Variants in ABR observed in about 807,000 individuals in gnomAD.
ABR encodes ABR activator of RhoGEF and GTPase.
A neutral mutation model predicts 107.2 loss-of-function variants in ABR; 35 were observed. That is an observed-to-expected ratio of 0.33 (90% confidence interval 0.25 to 0.43). The LOEUF (loss-of-function observed/expected upper bound fraction) is 0.43, where lower values mean the gene tolerates loss of function less well. ABR is among the 20% of genes least tolerant of loss of function. The probability of loss-of-function intolerance (pLI) is 1.00; values close to 1 mark genes in which losing one functional copy is unlikely to be tolerated. For synonymous variants in ABR, 498 were observed against 462.0 expected, an observed-to-expected ratio of 1.08 and a Z score of -1.00; for missense variants, 815 against 1,115.2, an observed-to-expected ratio of 0.73 and a Z score of 3.83.
chr17:1,159,481 C>T (rs1342794935), intron 1 of ABR, among the ~76,000 whole-genome samples: 4 of 89,824 alleles, frequency 4.5e-5, no homozygotes, highest in African/African-American at 1.3e-4. Flanking sequence ...GCAGTACTCA[C>T]GCACAAGGGA....
chr17:1,139,933 G>T (rs2040226046), intron 1 of ABR, among the ~76,000 whole-genome samples: 1 of 152,164 alleles, frequency 6.6e-6, no homozygotes, highest in Non-Finnish European at 1.5e-5. Context: ...GACGCAGGAG[G>T]TTGGCCCTGA....
rs78394653 is a variant in ABR, at chr17:1,119,800, C to T, written c.246+5383G>A. On this transcript the variant is annotated intron_variant, in intron 2 of 22. Transcript: ENST00000302538. ...AGGGCGTGTGAGCGGGACCTGACAG[C>T]GCTGTGCAGGCTCTGGCATCATAGA... Among the ~76,000 whole-genome samples, 4 of 152,334 alleles carry T rather than the reference C, an allele frequency of 2.6e-5. No individual in the cohort carries two copies. The East Asian group carries it at 7.7e-4, about 29-fold the overall frequency.
chr17:1,032,272 C>A (rs1408567293), intron 16 of ABR, among the ~76,000 whole-genome samples: 1 of 152,156 alleles, frequency 6.6e-6, no homozygotes, highest in Non-Finnish European at 1.5e-5. Flanking sequence ...ACTTCTGCCC[C>A]AGGCACCTTC....
intron 2 of ABR, among the ~76,000 whole-genome samples, chr17:1,122,544 C>T (rs112253513): frequency 1.3e-5 from 2 of 152,228 alleles, no homozygotes; most frequent in East Asian, 1.9e-4. Flanking sequence ...CCTCCAGACT[C>T]GGACTGAAAC....
At chr17:1,194,175 TTTTA>T (rs1193941779) in intron 1 of ABR, among the ~76,000 whole-genome samples, 4 of 152,018 alleles carry the variant, frequency 2.6e-5, no homozygotes, top group Admixed American at 6.5e-5. Flanking sequence ...CTTTGTTTTT[TTTTA>T]TTTATTTATA....
chr17:1,125,060 G>A (rs1005992220), intron 2 of ABR, 123 bp downstream of exon 2: 78 of 996,896 alleles, frequency 7.8e-5, no homozygotes, highest in Non-Finnish European at 9.2e-5. Flanking sequence ...CACCAAGAAC[G>A]GCCAGGTCCA....
chr17:1,069,456 G>A (rs968277085), intron 9 of ABR, among the ~76,000 whole-genome samples: 1 of 152,170 alleles, frequency 6.6e-6, no homozygotes, highest in African/African-American at 2.4e-5. Context: ...CTGAGGTTGG[G>A]AGTTTGAGAT....
In ABR at chr17:1,050,779, C is replaced by A; in HGVS notation, c.1562-145G>T. 1 of 688,502 alleles carries A rather than the reference C, an allele frequency of 1.5e-6. No homozygotes were observed. The highest frequency in any genetic ancestry group is 2.6e-6 in the Non-Finnish European group (1 of 386,528). 42.6% of individuals were successfully genotyped at this position (688,502 alleles called of 1,614,324 possible). ...ATCTTGGCTCTCTCCTCCCTGAAGC[C>A]CGGGACCATCTGGCTTCTCCCCTGC... is the stretch of plus-strand genomic sequence containing the variant. On this transcript the variant is annotated intron_variant, in intron 14 of 22. Transcript: ENST00000302538. This position sits in a 1 kb window ranked among gnomAD's most constrained non-coding sequence, Gnocchi z 4.6.
intron 1 of ABR, among the ~76,000 whole-genome samples, chr17:1,149,039 C>T (rs1174519262): frequency 2.0e-5 from 3 of 149,838 alleles, no homozygotes; most frequent in Non-Finnish European, 4.4e-5. Context: ...GTAGCTGGGA[C>T]GACAGGTGCC....
At chr17:1,035,346 C>A (rs557925454) in intron 16 of ABR, among the ~76,000 whole-genome samples, 3 of 139,938 alleles carry the variant, frequency 2.1e-5, no homozygotes, top group Admixed American at 7.0e-5. Context: ...CCTGCTCCCC[C>A]CCACCCCTTC....
At chr17:1,169,249 T>C (rs1036062833) in intron 1 of ABR, among the ~76,000 whole-genome samples, 1 of 152,184 alleles carries the variant, frequency 6.6e-6, no homozygotes, top group Non-Finnish European at 1.5e-5. Flanking sequence ...GTGCCCCCCA[T>C]GGCAGAAGTC....
At chr17:1,138,223 G>C (rs1389131979) in intron 1 of ABR, among the ~76,000 whole-genome samples, 1 of 151,882 alleles carries the variant, frequency 6.6e-6, no homozygotes, top group Non-Finnish European at 1.5e-5. Context: ...TTTTGCACCA[G>C]CCTAAATACA....
chr17:1,173,137 A>G (rs987974616), intron 1 of ABR, among the ~76,000 whole-genome samples: 1 of 99,556 alleles, frequency 1.0e-5, no homozygotes, highest in Admixed American at 1.2e-4. Flanking sequence ...CCCCCCACAC[A>G]TCACCTCAGT....
chr17:1,172,192 A>G (rs886411493), intron 1 of ABR, among the ~76,000 whole-genome samples: 5 of 152,356 alleles, frequency 3.3e-5, no homozygotes, highest in East Asian at 3.9e-4. Context: ...CCGCTGCTCC[A>G]TCCACAAGTG....
intron 3 of ABR, among the ~76,000 whole-genome samples, chr17:1,097,622 T>A (rs1205857132): frequency 3.4e-5 from 5 of 146,562 alleles, no homozygotes; most frequent in Non-Finnish European, 6.0e-5. Flanking sequence ...ACTCTGTGTA[T>A]AAATTCCTTT....
At position 1,150,317 on chromosome 17, in the gene ABR, C is replaced by T. The variant is rs1019158337; in HGVS notation, c.62-24950G>A. On this transcript the variant is annotated intron_variant, in intron 1 of 22. Transcript: ENST00000302538. The surrounding 1 kb of genome is among the most constrained non-coding windows in gnomAD (Gnocchi z 4.8). The stretch of plus-strand genomic sequence containing the variant: ...TCAGATCTCCTCTCTCATCTTTTGC[C>T]CACAATGGGAAAGGAGGTAAGAAGT... Among the ~76,000 whole-genome samples, 1 of 152,184 alleles carries T rather than the reference C, an allele frequency of 6.6e-6. No homozygotes were observed. Among genetic ancestry groups the T allele is most frequent in the Non-Finnish European group, 1.5e-5 (1 of 68,030 alleles).
rs1272586504 is a variant in ABR at position 1,050,437 on chromosome 17, G to A, written c.1659+100C>T. The A allele has an allele frequency of 6.0e-6, 7 of 1,175,110 alleles. No individual in the cohort carries two copies. The highest frequency in any genetic ancestry group is 1.2e-5 in the South Asian group (1 of 80,796). The allele number at this position is 1,175,110 out of a possible 1,614,324, so 72.8% of individuals were successfully genotyped here. A position where few individuals can be genotyped will look rare whatever the true frequency, so the allele number is the denominator to read the frequency against. On this transcript the variant is annotated intron_variant, in intron 15 of 22. Coordinates refer to ENST00000302538, the MANE Select transcript of ABR (RefSeq NM_021962.5). The surrounding 1 kb of genome is among the most constrained non-coding windows in gnomAD (Gnocchi z 4.6). ...AGCAGGGAGCAGAAAGGGGGGTGCAGACATAGCTGGTCCAACCAATGGGCT... is the reference window on the plus strand; with the variant it reads ...AGCAGGGAGCAGAAAGGGGGGTGCAAACATAGCTGGTCCAACCAATGGGCT...
At chr17:1,113,255 A>C (rs2038802693) in intron 2 of ABR, among the ~76,000 whole-genome samples, 1 of 147,420 alleles carries the variant, frequency 6.8e-6, no homozygotes, top group African/African-American at 2.5e-5. Flanking sequence ...TCTGGAAGGG[A>C]TAACATGGAA....
At chr17:1,132,922 C>A (rs2039909436) in intron 1 of ABR, among the ~76,000 whole-genome samples, 1 of 152,136 alleles carries the variant, frequency 6.6e-6, no homozygotes, top group Non-Finnish European at 1.5e-5. Context: ...TAGGTACTCA[C>A]AGAAACTCTT....
Sources: allele counts gnomAD v4.1 joint callset (sites outside exome capture counted in the v4.1 genomes callset), GRCh38; gene constraint gnomAD v4.1.1; non-coding constraint Gnocchi (gnomAD v3.1); transcripts MANE v1.5; gene names NCBI Gene and HGNC (gene_info 2026-07-23, HGNC 2026-07-21).